Variants in CSGALNACT1 observed in about 807,000 individuals in gnomAD.
CSGALNACT1 encodes chondroitin sulfate N-acetylgalactosaminyltransferase 1, also known as beta4GalNAcT-1.
In CSGALNACT1, 52 loss-of-function variants were observed where a neutral mutation model predicts 51.0. The ratio of observed to expected loss-of-function variants is 1.02; its 90% CI spans 0.82 to 1.29. The LOEUF (loss-of-function observed/expected upper bound fraction) is 1.29, where lower values mean the gene tolerates loss of function less well. Among genes scored for constraint, CSGALNACT1 ranks in the 50% most tolerant of loss-of-function variants. CSGALNACT1 has a pLI of 0.00. For missense variants in CSGALNACT1, 935 were observed against 679.2 expected, an observed-to-expected ratio of 1.38 and a Z score of -4.19; for synonymous variants, 341 against 254.4, an observed-to-expected ratio of 1.34 and a Z score of -3.24.
intron 1 of CSGALNACT1, among the ~76,000 whole-genome samples, chr8:19,624,021 C>G (rs567035891): frequency 7.3e-4 from 111 of 152,308 alleles, no homozygotes; most frequent in African/African-American, 2.5e-3. Context: ...ACACAAGAAT[C>G]TTCTATTTTA....
At chr8:19,582,198 C>G (rs1271718731) in intron 3 of CSGALNACT1, among the ~76,000 whole-genome samples, 1 of 152,210 alleles carries the variant, frequency 6.6e-6, no homozygotes, top group Non-Finnish European at 1.5e-5. Context: ...CCTCCATTCA[C>G]TGGGATTTTA....
intron 5 of CSGALNACT1, among the ~76,000 whole-genome samples, chr8:19,447,236 G>C (rs2062293899): frequency 6.6e-6 from 1 of 152,286 alleles, no homozygotes; most frequent in Non-Finnish European, 1.5e-5. Context: ...AGCCACATGA[G>C]GAATGCATCT....
intron 3 of CSGALNACT1, among the ~76,000 whole-genome samples, chr8:19,555,231 T>C (rs539072753): frequency 1.3e-5 from 2 of 151,740 alleles, no homozygotes; most frequent in South Asian, 2.1e-4. Context: ...AGAGCAAGAC[T>C]CTGTTTCAAA....
At chr8:19,661,996 T>A (rs1239588487) in intron 1 of CSGALNACT1, among the ~76,000 whole-genome samples, 1 of 145,702 alleles carries the variant, frequency 6.9e-6, no homozygotes, top group African/African-American at 2.5e-5. Context: ...TATCCTGGGA[T>A]AAGAGCTGAG....
At chr8:19,666,353 C>G (rs1219122848) in intron 1 of CSGALNACT1, among the ~76,000 whole-genome samples, 1 of 152,170 alleles carries the variant, frequency 6.6e-6, no homozygotes, top group African/African-American at 2.4e-5. Context: ...AACCCTGTCT[C>G]TTCTACTTCT....
intron 3 of CSGALNACT1, among the ~76,000 whole-genome samples, chr8:19,513,436 C>CTCTCTCTCTCTATATATATATATA: frequency 4.0e-4 from 33 of 81,940 alleles, no homozygotes; most frequent in Admixed American, 8.7e-4. Flanking sequence ...CTCTCTCTCT[C>CTCTCTCTCTCTATATATATATATA]TATATATATA....
At chr8:19,718,022 G>C (rs778067358) in intron 1 of CSGALNACT1, among the ~76,000 whole-genome samples, 12 of 152,194 alleles carry the variant, frequency 7.9e-5, no homozygotes, top group Non-Finnish European at 1.3e-4. Flanking sequence ...GGGCATCATG[G>C]GCTGGGGCCT....
chr8:19,536,095 GAGTA>G (rs1055892453), intron 3 of CSGALNACT1, among the ~76,000 whole-genome samples: 67 of 152,258 alleles, frequency 4.4e-4, no homozygotes, highest in African/African-American at 1.5e-3. Flanking sequence ...AAAACTCCTT[GAGTA>G]AGTGAGTGAG....
At chr8:19,720,911 G>A (rs1431249836) in intron 1 of CSGALNACT1, among the ~76,000 whole-genome samples, 2 of 151,972 alleles carry the variant, frequency 1.3e-5, no homozygotes, top group African/African-American at 4.8e-5. Flanking sequence ...AAGTGGTAAG[G>A]ACGGCCCTGT....
Position 19,427,604 on chromosome 8 carries a change from C to G in CSGALNACT1, c.954-7086G>C, listed in dbSNP as rs372079723. ...GAGATCGAGACCATCCTGGCTAACA[C>G]GGTGAAACCCTGTCTCTACTAAAAA... On this transcript the variant is annotated intron_variant, in intron 6 of 9. Transcript: ENST00000454498. Among the ~76,000 whole-genome samples the G allele has an allele frequency of 3.9e-5, 6 of 152,082 alleles. No individual in the cohort carries two copies. In the East Asian group the frequency reaches 7.8e-4, roughly 20 times the overall value.
At chr8:19,514,154 G>A (rs1476232342) in intron 3 of CSGALNACT1, among the ~76,000 whole-genome samples, 1 of 152,112 alleles carries the variant, frequency 6.6e-6, no homozygotes, top group African/African-American at 2.4e-5. Flanking sequence ...TATGCACTAA[G>A]AGGTGCTTGA....
chr8:19,597,821 G>A (rs540130520), intron 2 of CSGALNACT1, among the ~76,000 whole-genome samples: 48 of 152,220 alleles, frequency 3.2e-4, no homozygotes, highest in Non-Finnish European at 6.5e-4. Flanking sequence ...TGTGAAGTAG[G>A]AACATACATA....
At chr8:19,752,256 CCAGA>C (rs1333602092) in intron 1 of CSGALNACT1, among the ~76,000 whole-genome samples, 3 of 149,512 alleles carry the variant, frequency 2.0e-5, no homozygotes, top group African/African-American at 7.3e-5. Flanking sequence ...TTCCTATGCT[CCAGA>C]CACTGTTCTA....
rs372962578 is a variant in CSGALNACT1 at position 19,475,711 on chromosome 8, C to T, written c.635-17069G>A. Among the ~76,000 whole-genome samples, 14 of 152,314 alleles carry T rather than the reference C, an allele frequency of 9.2e-5. No individual in the cohort carries two copies. The East Asian group carries it at 2.3e-3, about 25-fold the overall frequency. On this transcript the variant is annotated intron_variant, in intron 4 of 9. Coordinates refer to ENST00000454498, the Ensembl canonical transcript of CSGALNACT1. ...ATGAGGTTTGTCAACCCAACAGGAA[C>T]ATCCTTTTTCACAGAATAATCTGCT... is the stretch of plus-strand genomic sequence containing the variant.
exon 10 of CSGALNACT1, chr8:19,405,786 T>G: frequency 1.9e-6 from 3 of 1,614,198 alleles, no homozygotes; most frequent in Non-Finnish European, 2.5e-6. Flanking sequence ...GAGTTCATGT[T>G]TTTTTGCTAC....
rs117751474 is a variant in CSGALNACT1 at position 19,656,432 on chromosome 8, T to C, written c.-544+26041A>G. Among the ~76,000 whole-genome samples, 1,302 of 152,192 alleles carry C rather than the reference T, an allele frequency of 8.6e-3. 7 individuals are homozygous for C. The highest frequency in any genetic ancestry group is 0.011 in the Non-Finnish European group (736 of 68,006). On this transcript the variant is annotated intron_variant, in intron 1 of 9. Transcript: ENST00000332246. Reference sequence around the variant, plus strand: ...CAGGATGCTAGTGCCAGAAGAAACTTAGCAGTAGCAAACAAACTTTCTATA... The same window carrying C: ...CAGGATGCTAGTGCCAGAAGAAACTCAGCAGTAGCAAACAAACTTTCTATA...
intron 6 of CSGALNACT1, among the ~76,000 whole-genome samples, chr8:19,432,649 G>C (rs889283407): frequency 1.3e-5 from 2 of 151,994 alleles, no homozygotes; most frequent in African/African-American, 4.8e-5. Context: ...AGTCATTGCA[G>C]TTGGCTTATC....
chr8:19,623,372 A>G (rs1045299004), intron 1 of CSGALNACT1, among the ~76,000 whole-genome samples: 4 of 152,236 alleles, frequency 2.6e-5, no homozygotes, highest in African/African-American at 9.6e-5. Context: ...ATCTGTGAAG[A>G]TATTTTGAAC....
intron 3 of CSGALNACT1, among the ~76,000 whole-genome samples, chr8:19,530,813 A>G (rs564931383): frequency 6.6e-6 from 1 of 152,348 alleles, no homozygotes; most frequent in East Asian, 1.9e-4. Context: ...TTCTAATGAG[A>G]AAGGGACTGG....
Sources: gnomAD v4.1 joint callset for allele counts (sites outside exome capture counted in the v4.1 genomes callset) on GRCh38, gnomAD v4.1.1 for gene constraint, MANE v1.5 for transcripts, NCBI Gene and HGNC (gene_info 2026-07-23, HGNC 2026-07-21) for gene names.